GNG7: variants seen among roughly 807,000 people sequenced by gnomAD.
GNG7 encodes guanine nucleotide-binding protein G(I)/G(S)/G(O) subunit gamma-7.
GNG7 carries 1 observed loss-of-function variant against 4.0 expected under a neutral mutation model. That is an observed-to-expected ratio of 0.25 (90% CI 0.09 to 1.18). The LOEUF (loss-of-function observed/expected upper bound fraction) is 1.18, where lower values mean the gene tolerates loss of function less well. Among genes scored for constraint, GNG7 ranks in the 50% most tolerant of loss-of-function variants. GNG7 has a pLI of 0.50. For synonymous variants in GNG7, 34 were observed against 36.9 expected (o/e 0.92, Z 0.29); for missense variants, 86 against 91.9 (o/e 0.94, Z 0.26).
At chr19:2,685,295 G>T (rs1437473822) in intron 1 of GNG7, among the ~76,000 whole-genome samples, 1 of 151,896 alleles carries the variant, frequency 6.6e-6, no homozygotes, top group Non-Finnish European at 1.5e-5. Flanking sequence ...GTTAAACGGG[G>T]AAATTTTATG....
chr19:2,685,942 A>G (rs1983859829), intron 1 of GNG7, among the ~76,000 whole-genome samples: 1 of 152,140 alleles, frequency 6.6e-6, no homozygotes, highest in East Asian at 1.9e-4. Flanking sequence ...TTCTCGCCAG[A>G]GCTCTCCTGT....
chr19:2,522,777 A>G (rs1237433950), intron 3 of GNG7, among the ~76,000 whole-genome samples: 1 of 146,166 alleles, frequency 6.8e-6, no homozygotes, highest in African/African-American at 2.5e-5. Flanking sequence ...AAAAAAAAAA[A>G]AAGAAGGAAA....
chr19:2,702,000 C>T (rs1913412941), intron 1 of GNG7, among the ~76,000 whole-genome samples: 2 of 148,926 alleles, frequency 1.3e-5, no homozygotes, highest in Admixed American at 6.7e-5. Flanking sequence ...CCCCAGCAAA[C>T]TCAAGACCTC....
chr19:2,686,612 G>A (rs1012947095), intron 1 of GNG7, among the ~76,000 whole-genome samples: 1 of 152,168 alleles, frequency 6.6e-6, no homozygotes, highest in Non-Finnish European at 1.5e-5. Context: ...CAATCAGAAG[G>A]GAGATGTCTC....
intron 2 of GNG7, among the ~76,000 whole-genome samples, chr19:2,620,187 A>T (rs1237037535): frequency 7.2e-6 from 1 of 138,998 alleles, no homozygotes; most frequent in African/African-American, 2.7e-5. Context: ...CTGGGCAACA[A>T]GAGCAAAACT....
At chr19:2,543,521 G>C (rs1369284053) in intron 3 of GNG7, among the ~76,000 whole-genome samples, 3 of 152,088 alleles carry the variant, frequency 2.0e-5, no homozygotes, top group African/African-American at 4.8e-5. Context: ...CCCCGCTCCC[G>C]GCCTGCAATT....
chr19:2,582,656 A>ATTTTT lies in GNG7; in HGVS notation c.-77-27473_-77-27469dup, dbSNP rs35625825. ...TGCCACCATGGCTGGCTAATTGTTA[A>ATTTTT]TTTTTTTTTTTTTTTTTTTTTTTTT... On this transcript the variant is annotated intron_variant, in intron 2 of 4. Transcript: ENST00000382159. Among the ~76,000 whole-genome samples the ATTTTT allele has an allele frequency of 1.5e-3, 128 of 86,160 alleles. 1 individual carries two copies. The highest frequency in any genetic ancestry group is 4.3e-3 in the African/African-American group (97 of 22,804). 56.5% of individuals were successfully genotyped at this position (86,160 alleles called of 152,430 possible).
Position 2,512,261 on chromosome 19 carries a change from G to A in GNG7, c.*2761C>T, listed in dbSNP as rs994353611. 4 of 985,866 alleles carry A rather than the reference G, an allele frequency of 4.1e-6. No homozygotes were observed. The highest frequency in any genetic ancestry group is 4.8e-6 in the Non-Finnish European group (4 of 829,938). The allele number at this position is 985,866 out of a possible 1,614,324, so 61.1% of individuals were successfully genotyped here. Reference sequence around the variant, plus strand: ...ACATGCGTTCACCCCAGGGATTCCCGGCAGAAAAGCACATGTGGCGGTCGG... The same window carrying A: ...ACATGCGTTCACCCCAGGGATTCCCAGCAGAAAAGCACATGTGGCGGTCGG... On this transcript the variant is annotated 3_prime_UTR_variant, in exon 5 of 5. Transcript: ENST00000382159. This position sits in a 1 kb window ranked among gnomAD's most constrained non-coding sequence, Gnocchi z 4.7.
chr19:2,647,888 T>G (rs1452886835), intron 1 of GNG7, among the ~76,000 whole-genome samples: 1 of 150,550 alleles, frequency 6.6e-6, no homozygotes. Context: ...ATTAGCCAGG[T>G]GTGGTGGTGG....
At chr19:2,547,394 T>G (rs1979164516) in intron 3 of GNG7, among the ~76,000 whole-genome samples, 1 of 152,042 alleles carries the variant, frequency 6.6e-6, no homozygotes, top group South Asian at 2.1e-4. Flanking sequence ...GAGGTGCCCG[T>G]ATCCCTCGGC....
At chr19:2,698,972 C>G (rs887238491) in intron 1 of GNG7, among the ~76,000 whole-genome samples, 3 of 152,120 alleles carry the variant, frequency 2.0e-5, no homozygotes, top group Non-Finnish European at 4.4e-5. Flanking sequence ...AAGATCGAGA[C>G]GCACCTGCAG....
At position 2,696,351 on chromosome 19, in the gene GNG7, GAAAGA is replaced by G. The variant is rs948969160; in HGVS notation, c.-135+6290_-135+6294del. On this transcript the variant is annotated intron_variant, in intron 1 of 4. Coordinates refer to ENST00000382159, the MANE Select transcript of GNG7 (RefSeq NM_052847.3). Reference sequence around the variant, plus strand: ...GAAAGAAAGAAAGAAAGAAAGAAAAGAAAGAAAAGAAAGAAAGAAAGGAAAGGAAG... The same window carrying G: ...GAAAGAAAGAAAGAAAGAAAGAAAAGAAAGAAAGAAAGAAAGGAAAGGAAG... Among the ~76,000 whole-genome samples, 3 of 128,742 alleles carry G rather than the reference GAAAGA, an allele frequency of 2.3e-5. No homozygotes were observed. In the Admixed American group the frequency reaches 2.4e-4, roughly 10 times the overall value. 84.5% of individuals were successfully genotyped at this position (128,742 alleles called of 152,430 possible). A position where few individuals can be genotyped will look rare whatever the true frequency, so the allele number is the denominator to read the frequency against.
chr19:2,668,734 C>T (rs1205267720), intron 1 of GNG7, among the ~76,000 whole-genome samples: 2 of 152,120 alleles, frequency 1.3e-5, no homozygotes, highest in Admixed American at 6.5e-5. Context: ...AGCAAGACAA[C>T]TGATAATATG....
intron 2 of GNG7, among the ~76,000 whole-genome samples, chr19:2,560,266 C>T (rs959767286): frequency 2.0e-5 from 3 of 152,144 alleles, no homozygotes; most frequent in Non-Finnish European, 4.4e-5. Context: ...GCCTGTCCCT[C>T]GCGCCCCTAG....
At chr19:2,553,478 CTATATAT>C (rs1271474120) in intron 3 of GNG7, among the ~76,000 whole-genome samples, 8 of 145,420 alleles carry the variant, frequency 5.5e-5, no homozygotes, top group African/African-American at 1.5e-4. Flanking sequence ...ATATTATATA[CTATATAT>C]TATATTTTAT....
intron 1 of GNG7, among the ~76,000 whole-genome samples, chr19:2,681,693 G>C (rs1393550184): frequency 6.6e-6 from 1 of 152,164 alleles, no homozygotes; most frequent in Non-Finnish European, 1.5e-5. Flanking sequence ...CTGCCAGGCT[G>C]TTTCCAGAGC....
In GNG7 at chr19:2,557,105, A is replaced by G. The variant is rs997072427; in HGVS notation, c.-77-1917T>C. Among the ~76,000 whole-genome samples, 2 of 151,556 alleles carry G rather than the reference A, an allele frequency of 1.3e-5. No homozygotes were observed. The highest frequency in any genetic ancestry group is 4.9e-5 in the African/African-American group (2 of 41,170). ...CACACGTGCACACAGGAATACTCAG[A>G]CACACGCACACACGTACACACGTGT... On this transcript the variant is annotated intron_variant, in intron 2 of 4. Transcript: ENST00000382159. This position sits in a 1 kb window ranked among gnomAD's most constrained non-coding sequence, Gnocchi z 5.1.
At chr19:2,581,226 T>C (rs1980493982) in intron 2 of GNG7, among the ~76,000 whole-genome samples, 1 of 151,576 alleles carries the variant, frequency 6.6e-6, no homozygotes, top group Non-Finnish European at 1.5e-5. Context: ...GATTAATCTC[T>C]GCTTCCTCCT....
chr19:2,559,518 A>AG (rs1979671422), intron 2 of GNG7, among the ~76,000 whole-genome samples: 1 of 147,800 alleles, frequency 6.8e-6, no homozygotes, highest in Non-Finnish European at 1.5e-5. Context: ...TGTCCGGCTA[A>AG]TTTTTTTTTC....
Sources: allele counts gnomAD v4.1 joint callset (sites outside exome capture counted in the v4.1 genomes callset), GRCh38; gene constraint gnomAD v4.1.1; non-coding constraint Gnocchi (gnomAD v3.1); transcripts MANE v1.5; gene names NCBI Gene and HGNC (gene_info 2026-07-23, HGNC 2026-07-21).